The following IMMP2L variants were observed in gnomAD, a reference collection of about 807,000 sequenced individuals.
The protein encoded by IMMP2L is mitochondrial inner membrane protease subunit 2.
A neutral mutation model predicts 19.3 loss-of-function variants in IMMP2L; 18 were observed. That is an observed-to-expected ratio of 0.93 (90% CI 0.64 to 1.38). The LOEUF (loss-of-function observed/expected upper bound fraction) is 1.38, where lower values mean the gene tolerates loss of function less well. Among genes scored for constraint, IMMP2L ranks in the 40% most tolerant of loss-of-function variants. The pLI, the probability that IMMP2L is intolerant of heterozygous loss-of-function variation, is 0.00. For synonymous variants in IMMP2L, 76 were observed against 73.0 expected (o/e 1.04, Z -0.21); for missense variants, 233 against 218.2 (o/e 1.07, Z -0.43).
chr7:110,751,374 T>C (rs1440605969), intron 5 of IMMP2L, among the ~76,000 whole-genome samples: 1 of 152,016 alleles, frequency 6.6e-6, no homozygotes, highest in Non-Finnish European at 1.5e-5. Context: ...TTTCCTGTTT[T>C]TTCCATTGTC....
chr7:110,901,769 T>C (rs1811888761), intron 4 of IMMP2L, among the ~76,000 whole-genome samples: 1 of 152,158 alleles, frequency 6.6e-6, no homozygotes, highest in Non-Finnish European at 1.5e-5. Context: ...GCATATTTAG[T>C]AGGAAATTCA....
At chr7:111,271,296 A>G (rs1028601706) in intron 3 of IMMP2L, among the ~76,000 whole-genome samples, 1 of 152,090 alleles carries the variant, frequency 6.6e-6, no homozygotes, top group Non-Finnish European at 1.5e-5. Context: ...TTCCTTTATA[A>G]TTTACCCAGT....
chr7:111,323,584 G>C (rs1485077738), intron 3 of IMMP2L, among the ~76,000 whole-genome samples: 1 of 152,024 alleles, frequency 6.6e-6, no homozygotes, highest in Non-Finnish European at 1.5e-5. Context: ...TCAGTGTGGC[G>C]ATTCCTCAGG....
intron 3 of IMMP2L, among the ~76,000 whole-genome samples, chr7:111,302,131 T>G (rs1252109623): frequency 6.6e-6 from 1 of 151,992 alleles, no homozygotes; most frequent in Non-Finnish European, 1.5e-5. Context: ...GTAACTTCAC[T>G]GGAATGCCCT....
At position 110,911,624 on chromosome 7, in the gene IMMP2L, C is replaced by G. The variant is rs78174347; in HGVS notation, c.306-24929G>C. ...TGAAACAGGAGTTTTGAAAAATTAT[C>G]TGGGGGTCAGGTATCAAACTCATGG... On this transcript the variant is annotated intron_variant, in intron 4 of 5. Coordinates refer to ENST00000405709, the MANE Select transcript of IMMP2L (RefSeq NM_032549.4). 8.3e-4 allele frequency among the ~76,000 whole-genome samples: 126 copies of G among 152,204 alleles called. 1 individual carries two copies. The highest frequency in any genetic ancestry group is 2.9e-3 in the African/African-American group (122 of 41,534).
intron 5 of IMMP2L, chr7:110,724,634 A>C (rs1403156391): frequency 1.3e-5 from 2 of 151,114 alleles, no homozygotes; most frequent in African/African-American, 2.4e-5. Context: ...TTTTTTTTGC[A>C]TCAGGAAAGA....
At chr7:111,290,097 T>C (rs183987494) in intron 3 of IMMP2L, among the ~76,000 whole-genome samples, 39 of 152,270 alleles carry the variant, frequency 2.6e-4, no homozygotes, top group Non-Finnish European at 3.5e-4. Context: ...CCACTGCACA[T>C]AGAAAAGAAG....
intron 5 of IMMP2L, among the ~76,000 whole-genome samples, chr7:110,882,089 G>C (rs1176897331): frequency 6.6e-6 from 1 of 151,958 alleles, no homozygotes; most frequent in Non-Finnish European, 1.5e-5. Flanking sequence ...AGTACTGGTA[G>C]CATCTATTGA....
At chr7:111,220,007 G>A (rs1043380040) in intron 3 of IMMP2L, among the ~76,000 whole-genome samples, 2 of 151,924 alleles carry the variant, frequency 1.3e-5, no homozygotes, top group Non-Finnish European at 2.9e-5. Flanking sequence ...CTCAGACTAC[G>A]AATTTATGCT....
chr7:111,069,903 T>G (rs142977450), intron 3 of IMMP2L, among the ~76,000 whole-genome samples: 128 of 152,314 alleles, frequency 8.4e-4, no homozygotes, highest in African/African-American at 2.9e-3. Context: ...ATTCTACTAT[T>G]TGCAAACATA....
chr7:111,530,041 C>G (rs1847244319), intron 1 of IMMP2L, among the ~76,000 whole-genome samples: 1 of 152,144 alleles, frequency 6.6e-6, no homozygotes, highest in Non-Finnish European at 1.5e-5. Context: ...ATCCAAGGTG[C>G]TCTTCAGAAG....
chr7:111,110,246 A>G (rs1232109373), intron 3 of IMMP2L, among the ~76,000 whole-genome samples: 1 of 152,210 alleles, frequency 6.6e-6, no homozygotes, highest in East Asian at 1.9e-4. Context: ...ATTAGGGAAA[A>G]TGATATTCTT....
intron 3 of IMMP2L, among the ~76,000 whole-genome samples, chr7:111,453,595 T>C (rs1010185662): frequency 3.3e-5 from 5 of 152,172 alleles, no homozygotes; most frequent in African/African-American, 9.7e-5. Flanking sequence ...TAAAGATACA[T>C]GCTACCAATA....
chr7:111,354,016 C>T (rs115900883), intron 3 of IMMP2L, among the ~76,000 whole-genome samples: 3 of 151,866 alleles, frequency 2.0e-5, no homozygotes, highest in Admixed American at 6.6e-5. Context: ...AGTGGTAAGA[C>T]CAGATATTAC....
intron 5 of IMMP2L, among the ~76,000 whole-genome samples, chr7:110,839,735 C>G (rs1041991726): frequency 6.6e-6 from 1 of 151,902 alleles, no homozygotes; most frequent in African/African-American, 2.4e-5. Flanking sequence ...GAATAGATAA[C>G]AGCTATATAT....
At chr7:111,008,608 T>C (rs1585719980) in intron 3 of IMMP2L, among the ~76,000 whole-genome samples, 1 of 151,812 alleles carries the variant, frequency 6.6e-6, no homozygotes. Flanking sequence ...GTTGCTGCTA[T>C]TGTTTATTCT....
At chr7:111,164,598 A>G (rs1054256907) in intron 3 of IMMP2L, among the ~76,000 whole-genome samples, 4 of 152,110 alleles carry the variant, frequency 2.6e-5, no homozygotes, top group Non-Finnish European at 5.9e-5. Flanking sequence ...GTGATACAAC[A>G]GTACACAGTG....
At chr7:111,299,405 A>G (rs975450250) in intron 3 of IMMP2L, among the ~76,000 whole-genome samples, 1 of 152,140 alleles carries the variant, frequency 6.6e-6, no homozygotes, top group African/African-American at 2.4e-5. Context: ...AATGCCTACT[A>G]TATGCTAGGT....
At chr7:111,334,744 T>C (rs566520562) in intron 3 of IMMP2L, among the ~76,000 whole-genome samples, 2 of 152,220 alleles carry the variant, frequency 1.3e-5, no homozygotes, top group African/African-American at 2.4e-5. Context: ...TAGAAGTTGA[T>C]GGCACTGATT....
Sources: allele counts gnomAD v4.1 joint callset (sites outside exome capture counted in the v4.1 genomes callset), GRCh38; gene constraint gnomAD v4.1.1; transcripts MANE v1.5; gene names NCBI Gene and HGNC (gene_info 2026-07-23, HGNC 2026-07-21).